The following IMPA2 variants were observed in gnomAD, a reference collection of about 807,000 sequenced individuals.
The protein encoded by IMPA2 is IMP 2.
Under a neutral mutation model 35.1 loss-of-function variants are expected in IMPA2, and 32 were observed. That is an observed-to-expected ratio of 0.91 (90% confidence interval 0.69 to 1.23). The LOEUF is 1.23. IMPA2 is among the 50% of genes most tolerant of loss of function. The pLI, the probability that IMPA2 is intolerant of heterozygous loss-of-function variation, is 0.00. For missense variants in IMPA2, 334 were observed against 387.6 expected (o/e 0.86, Z 1.16); for synonymous variants, 135 against 160.6 (o/e 0.84, Z 1.20).
At chr18:11,983,833 A>C (rs1906577486) in intron 1 of IMPA2, among the ~76,000 whole-genome samples, 1 of 152,182 alleles carries the variant, frequency 6.6e-6, no homozygotes, top group African/African-American at 2.4e-5. Context: ...AAAGAGGGAC[A>C]GATTGTCTTC....
intron 5 of IMPA2, among the ~76,000 whole-genome samples, chr18:12,027,402 C>T (rs1287785858): frequency 6.6e-6 from 1 of 152,182 alleles, no homozygotes; most frequent in Non-Finnish European, 1.5e-5. Flanking sequence ...CTGCAGCTTC[C>T]CTTTCCAAAG....
intron 5 of IMPA2, chr18:12,018,341 C>G (rs1213383285): frequency 1.3e-5 from 2 of 152,328 alleles, no homozygotes; most frequent in Non-Finnish European, 2.9e-5. Flanking sequence ...CACCTGTCCA[C>G]CTCTGGATGG....
rs1906805413 is a variant in IMPA2, at chr18:11,991,271, G to A, written c.97-7783G>A. Among the ~76,000 whole-genome samples the A allele has an allele frequency of 6.6e-6, 1 of 152,162 alleles. No individual in the cohort carries two copies. Among genetic ancestry groups the A allele is most frequent in the African/African-American group, 2.4e-5 (1 of 41,440 alleles). ...TGGAAGGTGCCAGTGCCTTGTCAGG[G>A]CGGAGGGCGACTAGAGATCAAGGTG... On this transcript the variant is annotated intron_variant, in intron 1 of 7. Transcript: ENST00000269159. This position sits in a 1 kb window ranked among gnomAD's most constrained non-coding sequence, Gnocchi z 4.1.
chr18:11,999,187 G>C lies in IMPA2; in HGVS notation c.230G>C (p.Arg77Thr). ...SELRERFPSH[R>T]FIAEEAAASG... ...TTGCGAGAGAGGTTTCCTTCACACA[G>C]GTAGGTGTACTCCTCTGGGAAACAC... Residue 77 changes from arginine to threonine, a missense_variant and splice_region_variant, in exon 2 of 8, where the codon AGG (arginine) becomes ACG (threonine). Physicochemically the swap from Arg to Thr is moderately conservative, Grantham distance 71. Coordinates refer to ENST00000269159, the MANE Select transcript of IMPA2 (RefSeq NM_014214.3). 1 of 1,613,124 alleles carries C rather than the reference G, an allele frequency of 6.2e-7. No homozygotes were observed. Among genetic ancestry groups the C allele is most frequent in the South Asian group, 1.1e-5 (1 of 91,000 alleles).
intron 2 of IMPA2, among the ~76,000 whole-genome samples, chr18:12,007,767 TTTTTC>T (rs1167340657): frequency 6.7e-6 from 1 of 150,340 alleles, no homozygotes; most frequent in African/African-American, 2.4e-5. Context: ...CTTTCTTTTC[TTTTTC>T]TTTTCTTTCT....
At chr18:11,993,865 G>A (rs1906882718) in intron 1 of IMPA2, 1 of 152,308 alleles carries the variant, frequency 6.6e-6, no homozygotes, top group South Asian at 2.1e-4. Context: ...GCCCTGGCTG[G>A]GTGTGAAGGG....
chr18:11,992,272 G>A (rs981152844), intron 1 of IMPA2, among the ~76,000 whole-genome samples: 14 of 152,342 alleles, frequency 9.2e-5, no homozygotes, highest in African/African-American at 2.9e-4. Flanking sequence ...GTGTCGTCAG[G>A]TGCACACCTC....
chr18:12,028,151 G>C lies in IMPA2; in HGVS notation c.599G>C (p.Gly200Ala), dbSNP rs1411071762. Residue 200 changes from glycine to alanine, a missense_variant and splice_region_variant, in exon 6 of 8, where the codon GGG becomes GCG. Transcript: ENST00000269159. ...MERLLHAKAH[G>A]VRVIGSSTLA... ...CGGCTGCTGCATGCCAAGGCGCATG[G>C]GTAGGAGGTTCAGTTCGGGGAACAC... 1 of 1,601,776 alleles carries C rather than the reference G, an allele frequency of 6.2e-7. No individual in the cohort carries two copies. The highest frequency in any genetic ancestry group is 8.6e-7 in the Non-Finnish European group (1 of 1,168,898).
chr18:12,029,839 G>A (rs1354778030), intron 7 of IMPA2, among the ~76,000 whole-genome samples: 1 of 152,216 alleles, frequency 6.6e-6, no homozygotes, highest in Non-Finnish European at 1.5e-5. Context: ...TATCCCTCAG[G>A]AAGATGCAAG....
rs555213328 is a variant in IMPA2, at chr18:12,002,859, C to G, written c.230+3672C>G. 2.6e-5 allele frequency among the ~76,000 whole-genome samples: 4 copies of G among 151,926 alleles called. 1 individual carries two copies. Among genetic ancestry groups the G allele is most frequent in the African/African-American group, 9.7e-5 (4 of 41,444 alleles). On this transcript the variant is annotated intron_variant, in intron 2 of 7. Transcript: ENST00000269159. ...AGCCGCTATGAAAAACCCCACTGCA[C>G]TGCAGCCTGGGCAACAGAGTGAGAC...
intron 1 of IMPA2, among the ~76,000 whole-genome samples, chr18:11,987,298 G>A (rs1014589975): frequency 6.6e-6 from 1 of 152,190 alleles, no homozygotes; most frequent in African/African-American, 2.4e-5. Context: ...TATTATGTGA[G>A]TACATCACTA....
Position 11,991,410 on chromosome 18 carries a change from G to A in IMPA2, c.97-7644G>A, listed in dbSNP as rs982231938. 7.2e-5 allele frequency among the ~76,000 whole-genome samples: 11 copies of A among 152,330 alleles called. No individual in the cohort carries two copies. Among genetic ancestry groups the A allele is most frequent in the African/African-American group, 2.6e-4 (11 of 41,582 alleles). On this transcript the variant is annotated intron_variant, in intron 1 of 7. Coordinates refer to ENST00000269159, the MANE Select transcript of IMPA2 (RefSeq NM_014214.3). The surrounding 1 kb of genome is among the most constrained non-coding windows in gnomAD (Gnocchi z 4.1). The stretch of plus-strand genomic sequence containing the variant: ...AGCTCCTCCTCTTCCTCCCAGGGTT[G>A]AGGTTGTACAGAGATTTGTGACGCA...
intron 3 of IMPA2, among the ~76,000 whole-genome samples, chr18:12,011,805 C>T (rs569748618): frequency 3.2e-4 from 48 of 152,322 alleles, no homozygotes; most frequent in Admixed American, 2.4e-3. Context: ...ACCTGCCTGG[C>T]GCCCCACCTG....
intron 2 of IMPA2, 63 bp downstream of exon 2, chr18:11,999,250 G>C: frequency 1.3e-6 from 2 of 1,510,068 alleles, no homozygotes; most frequent in Non-Finnish European, 1.8e-6. Flanking sequence ...AGAATGCAGG[G>C]TCTGCCGGGG....
At chr18:11,999,967 G>A (rs1907071522) in intron 2 of IMPA2, among the ~76,000 whole-genome samples, 1 of 152,124 alleles carries the variant, frequency 6.6e-6, no homozygotes, top group Non-Finnish European at 1.5e-5. Context: ...GACCATGCAA[G>A]GGATCTTTTT....
At chr18:12,021,756 G>A (rs1244202631) in intron 5 of IMPA2, 1 of 152,206 alleles carries the variant, frequency 6.6e-6, no homozygotes, top group Admixed American at 6.5e-5. Flanking sequence ...ACCTCAAAGC[G>A]ATCGGCGCAC....
intron 2 of IMPA2, chr18:12,008,428 T>C: frequency 2.0e-6 from 1 of 512,068 alleles, no homozygotes; most frequent in Non-Finnish European, 3.9e-6. Flanking sequence ...AACAGATGTT[T>C]GCTTAGCGCC....
intron 2 of IMPA2, among the ~76,000 whole-genome samples, chr18:12,003,666 A>C (rs1269323418): frequency 5.0e-5 from 1 of 20,044 alleles, no homozygotes; most frequent in Non-Finnish European, 7.4e-5. Flanking sequence ...AAAAAAAAAG[A>C]AAAGGAAAAA....
intron 1 of IMPA2, among the ~76,000 whole-genome samples, chr18:11,983,312 G>C (rs967893174): frequency 2.6e-5 from 4 of 152,126 alleles, no homozygotes; most frequent in Non-Finnish European, 4.4e-5. Context: ...CTGCCTCCCA[G>C]CTTTCCTTCC....
Sources: allele counts gnomAD v4.1 joint callset (sites outside exome capture counted in the v4.1 genomes callset), GRCh38; gene constraint gnomAD v4.1.1; non-coding constraint Gnocchi (gnomAD v3.1); transcripts MANE v1.5; gene names NCBI Gene and HGNC (gene_info 2026-07-23, HGNC 2026-07-21).